Variants in PDGFD observed in about 807,000 individuals in gnomAD.
The protein encoded by PDGFD is platelet derived growth factor D.
A neutral mutation model predicts 44.7 loss-of-function variants in PDGFD; 30 were observed. That is an observed-to-expected ratio of 0.67 (90% CI 0.50 to 0.91). The LOEUF is 0.91. PDGFD is among the 40% of genes least tolerant of loss of function. The pLI is 0.00. For synonymous variants in PDGFD, 173 were observed against 168.4 expected (o/e 1.03, Z -0.21); for missense variants, 445 against 457.8 (o/e 0.97, Z 0.25).
At chr11:103,919,289 T>C (rs1325682103) in intron 6 of PDGFD, among the ~76,000 whole-genome samples, 1 of 152,180 alleles carries the variant, frequency 6.6e-6, no homozygotes, top group Non-Finnish European at 1.5e-5. Context: ...AACGTCTGAA[T>C]AAATCTTCAC....
chr11:104,152,907 T>C (rs1862264246), intron 1 of PDGFD, among the ~76,000 whole-genome samples: 1 of 152,160 alleles, frequency 6.6e-6, no homozygotes, highest in African/African-American at 2.4e-5. Context: ...GACATTATCA[T>C]GCACCCATAA....
At chr11:104,039,476 A>C (rs1566580) in intron 1 of PDGFD, among the ~76,000 whole-genome samples, 71,597 of 151,870 alleles carry the variant, frequency 0.47, 17,218 homozygotes, top group Admixed American at 0.58. Flanking sequence ...ATACTAATCA[A>C]CCTTTCTAAA....
At chr11:104,113,249 G>C (rs945124649) in intron 1 of PDGFD, among the ~76,000 whole-genome samples, 2 of 152,054 alleles carry the variant, frequency 1.3e-5, no homozygotes, top group African/African-American at 2.4e-5. Flanking sequence ...CCTCTTTTTA[G>C]CTAGACAGTA....
In PDGFD at chr11:104,163,985, G is replaced by T. The variant is rs182793150; in HGVS notation, c.-58C>A. On this transcript the variant is annotated 5_prime_UTR_variant, in exon 1 of 7. Transcript: ENST00000393158. Reference sequence around the variant, plus strand: ...AAGAAAAAGCCGGGTTCTGCTCCCGGGACCGACGCCGCGCCGCCCTGCGCT... The same window carrying T: ...AAGAAAAAGCCGGGTTCTGCTCCCGTGACCGACGCCGCGCCGCCCTGCGCT... 298 of 1,466,374 alleles carry T rather than the reference G, an allele frequency of 2.0e-4. No individual in the cohort carries two copies. Among genetic ancestry groups the T allele is most frequent in the Non-Finnish European group, 2.5e-4 (274 of 1,093,386 alleles). The allele number at this position is 1,466,374 out of a possible 1,614,324, so 90.8% of individuals were successfully genotyped here. A position where few individuals can be genotyped will look rare whatever the true frequency, so the allele number is the denominator to read the frequency against.
At position 104,036,945 on chromosome 11, in the gene PDGFD, C is replaced by A. The variant is rs138352725; in HGVS notation, c.125-36690G>T. 8.7e-6 allele frequency: 14 copies of A among 1,614,080 alleles called. No individual in the cohort carries two copies. The African/African-American group carries it at 1.6e-4, about 18-fold the overall frequency. On this transcript the variant is annotated intron_variant, in intron 1 of 6. Coordinates refer to ENST00000393158, the MANE Select transcript of PDGFD (RefSeq NM_025208.5). Reference sequence around the variant, plus strand: ...TCTGCGAAGCGGAGTCCAGAGTCCCCGTCGAAGAGATCCAGATCATCCACA... The same window carrying A: ...TCTGCGAAGCGGAGTCCAGAGTCCCAGTCGAAGAGATCCAGATCATCCACA...
intron 1 of PDGFD, among the ~76,000 whole-genome samples, chr11:104,051,657 GAA>G (rs545597052): frequency 7.1e-6 from 1 of 140,972 alleles, no homozygotes; most frequent in African/African-American, 2.6e-5. Context: ...ATTCCTGAAT[GAA>G]AAAAAAAAAA....
intron 1 of PDGFD, among the ~76,000 whole-genome samples, chr11:104,065,076 C>A (rs1225359400): frequency 6.6e-6 from 1 of 152,156 alleles, no homozygotes; most frequent in Non-Finnish European, 1.5e-5. Context: ...TTGAGAGAAT[C>A]AACTGGCTTA....
At chr11:104,101,082 G>A (rs1431093259) in intron 1 of PDGFD, among the ~76,000 whole-genome samples, 1 of 152,106 alleles carries the variant, frequency 6.6e-6, no homozygotes, top group Non-Finnish European at 1.5e-5. Context: ...ATTCAACATA[G>A]TGTTGGAAGT....
chr11:104,160,144 C>G (rs1862369055), intron 1 of PDGFD, among the ~76,000 whole-genome samples: 2 of 152,182 alleles, frequency 1.3e-5, no homozygotes, highest in South Asian at 4.1e-4. Context: ...ACAATAGAAA[C>G]CACATTAAGA....
At chr11:104,061,988 C>T (rs1210834373) in intron 1 of PDGFD, among the ~76,000 whole-genome samples, 1 of 152,126 alleles carries the variant, frequency 6.6e-6, no homozygotes, top group East Asian at 1.9e-4. Context: ...TCTTAGCATA[C>T]TTTTGGCTTG....
chr11:103,969,877 A>C (rs1341608185), intron 3 of PDGFD, among the ~76,000 whole-genome samples: 1 of 152,096 alleles, frequency 6.6e-6, no homozygotes, highest in East Asian at 1.9e-4. Flanking sequence ...GTGAGAAAAC[A>C]AAAGGTCATC....
intron 1 of PDGFD, among the ~76,000 whole-genome samples, chr11:104,143,499 T>C (rs1388265124): frequency 2.0e-5 from 3 of 152,184 alleles, no homozygotes; most frequent in African/African-American, 7.2e-5. Context: ...TTAAGCATCC[T>C]TGGAGGTACC....
rs532676591 is a variant in PDGFD at position 104,109,039 on chromosome 11, C to T, written c.124+54765G>A. 7.9e-5 allele frequency among the ~76,000 whole-genome samples: 8 copies of T among 101,584 alleles called. No homozygotes were observed. The East Asian group carries it at 1.5e-3, about 19-fold the overall frequency. The allele number at this position is 101,584 out of a possible 152,430, so 66.6% of individuals were successfully genotyped here. ...ACACAGGAAGGGGGACATCACACAT[C>T]GGGGCCTGTTGTGGGGTGGAGGGAG... On this transcript the variant is annotated intron_variant, in intron 1 of 6. Transcript: ENST00000393158.
intron 2 of PDGFD, among the ~76,000 whole-genome samples, chr11:103,999,067 T>C (rs1024448519): frequency 6.6e-6 from 1 of 152,208 alleles, no homozygotes; most frequent in African/African-American, 2.4e-5. Flanking sequence ...TCTTCCTTAA[T>C]GTATTCATCT....
At chr11:103,967,014 C>A (rs1413859829) in intron 3 of PDGFD, among the ~76,000 whole-genome samples, 3 of 152,198 alleles carry the variant, frequency 2.0e-5, no homozygotes, top group Admixed American at 6.5e-5. Flanking sequence ...TTCATTCAAG[C>A]ACTTTCAAAC....
intron 4 of PDGFD, chr11:103,945,736 A>G (rs1358837748): frequency 6.6e-6 from 1 of 152,198 alleles, no homozygotes. Flanking sequence ...TGTAGTGTGT[A>G]CACAGACATC....
At chr11:103,984,542 A>G (rs866589214) in intron 3 of PDGFD, among the ~76,000 whole-genome samples, 3 of 151,596 alleles carry the variant, frequency 2.0e-5, no homozygotes, top group South Asian at 4.1e-4. Context: ...AAACCTGCAC[A>G]TGTGCCCCTG....
chr11:104,018,407 T>C (rs1859893922), intron 1 of PDGFD, among the ~76,000 whole-genome samples: 1 of 152,196 alleles, frequency 6.6e-6, no homozygotes, highest in Non-Finnish European at 1.5e-5. Flanking sequence ...ATATCTCACT[T>C]CGTTAGATTT....
Position 103,927,113 on chromosome 11 carries a change from C to A in PDGFD, c.786G>T (p.Arg262Ser). Residue 262 changes from arginine (R) to serine (S), a missense_variant, in exon 6 of 7, where the codon AGG becomes AGT. Coordinates refer to ENST00000393158, the MANE Select transcript of PDGFD (RefSeq NM_025208.5). ...TGTAACGCTTGGCATCATCATTGAG[C>A]CTATCCAGGTCAACTGTAAGCAAAT... ...HDRKSKVDLD[R>S]LNDDAKRYSC... 6.2e-7 allele frequency: 1 copy of A among 1,613,970 alleles called. No homozygotes were observed. Among genetic ancestry groups the A allele is most frequent in the Non-Finnish European group, 8.5e-7 (1 of 1,179,940 alleles).
Sources: gnomAD v4.1 joint callset for allele counts (sites outside exome capture counted in the v4.1 genomes callset) on GRCh38, gnomAD v4.1.1 for gene constraint, MANE v1.5 for transcripts, NCBI Gene and HGNC (gene_info 2026-07-23, HGNC 2026-07-21) for gene names.